The following AFDN variants were observed in gnomAD, a reference collection of about 807,000 sequenced individuals.
AFDN encodes afadin.
Under a neutral mutation model 216.6 loss-of-function variants are expected in AFDN, and 68 were observed. The observed-to-expected ratio is 0.31, with a 90% CI of 0.26 to 0.38. AFDN has a LOEUF of 0.38. AFDN is among the 10% of genes least tolerant of loss of function. AFDN has a pLI of 1.00. For synonymous variants in AFDN, 868 were observed against 853.7 expected (o/e 1.02, Z -0.29); for missense variants, 2,136 against 2,342.0 (o/e 0.91, Z 1.82).
chr6:167,919,529 G>GTGC (rs950346026), intron 21 of AFDN, among the ~76,000 whole-genome samples: 1 of 152,256 alleles, frequency 6.6e-6, no homozygotes, highest in Non-Finnish European at 1.5e-5. Context: ...GTGGGTGTGA[G>GTGC]TGCTGCTGCT....
At chr6:167,931,793 G>A (rs529582810) in intron 23 of AFDN, among the ~76,000 whole-genome samples, 4 of 152,236 alleles carry the variant, frequency 2.6e-5, no homozygotes, top group South Asian at 2.1e-4. Flanking sequence ...GGATTTCACC[G>A]TTAGCCCTGC....
rs974671882 is a variant in AFDN at position 167,951,904 on chromosome 6, G to A, written c.4550G>A (p.Ser1517Asn). 2 of 1,613,980 alleles carry A rather than the reference G, an allele frequency of 1.2e-6. No individual in the cohort carries two copies. Among genetic ancestry groups the A allele is most frequent in the Non-Finnish European group, 1.7e-6 (2 of 1,179,930 alleles). ...VSKEELSSGD[S>N]LSPDPWKRDA... is the part of the protein sequence containing the mutation. ...AAAGAGGAGCTTTCCTCGGGGGACAGTCTGTCCCCCGACCCGTGGAAGCGG... is the reference window on the plus strand; with the variant it reads ...AAAGAGGAGCTTTCCTCGGGGGACAATCTGTCCCCCGACCCGTGGAAGCGG... The change falls in exon 30 of 34, where the codon AGT becomes AAT. Residue 1517 changes from serine to asparagine, a missense_variant. Ser to Asn is a conservative substitution (Grantham distance 46). Transcript: ENST00000683244. This position sits in a 1 kb window ranked among gnomAD's most constrained non-coding sequence, Gnocchi z 7.1.
rs1794944377 is a variant in AFDN, at chr6:167,943,606, GTGACA to G, written c.3239+133_3239+137del. On this transcript the variant is annotated intron_variant, in intron 25 of 33. Transcript: ENST00000683244. ...TTACTCTTTACCTTTTATAGTGTAC[GTGACA>G]TTTCACTTGTTATCAAATTATAAAT... is the stretch of plus-strand genomic sequence containing the variant. 4 of 679,774 alleles carry G rather than the reference GTGACA, an allele frequency of 5.9e-6. No homozygotes were observed. The Admixed American group carries it at 7.9e-5, about 13-fold the overall frequency. 42.1% of individuals were successfully genotyped at this position (679,774 alleles called of 1,614,324 possible). A position where few individuals can be genotyped will look rare whatever the true frequency, so the allele number is the denominator to read the frequency against.
At chr6:167,840,451 T>G (rs1780937759) in intron 1 of AFDN, among the ~76,000 whole-genome samples, 1 of 152,214 alleles carries the variant, frequency 6.6e-6, no homozygotes, top group Non-Finnish European at 1.5e-5. Context: ...CATTTCATGG[T>G]TCTGTCATTG....
chr6:167,885,696 CAA>C (rs1379270445), intron 6 of AFDN, among the ~76,000 whole-genome samples: 1 of 152,198 alleles, frequency 6.6e-6, no homozygotes, highest in East Asian at 1.9e-4. Context: ...CACACAGACA[CAA>C]AGTGAGCAAT....
chr6:167,964,043 A>T (rs777683683), intron 31 of AFDN: 10 of 1,064,306 alleles, frequency 9.4e-6, no homozygotes, highest in Non-Finnish European at 1.0e-5. Flanking sequence ...CACAGTGCAC[A>T]TGCAGAGAGG....
intron 19 of AFDN, 50 bp from the exon 20 acceptor site, chr6:167,917,039 G>A: frequency 6.6e-7 from 1 of 1,515,904 alleles, no homozygotes. Context: ...TAATATTTTT[G>A]AAATAACTTT....
At chr6:167,850,651 C>T (rs1051309939) in intron 1 of AFDN, among the ~76,000 whole-genome samples, 1 of 152,118 alleles carries the variant, frequency 6.6e-6, no homozygotes, top group Non-Finnish European at 1.5e-5. Flanking sequence ...TATTATTTCA[C>T]ATACTTAAAG....
At chr6:167,881,465 G>A (rs1448924401) in intron 6 of AFDN, among the ~76,000 whole-genome samples, 1 of 152,208 alleles carries the variant, frequency 6.6e-6, no homozygotes, top group Non-Finnish European at 1.5e-5. Context: ...TAAATGAGAG[G>A]TCTCTGACTT....
intron 1 of AFDN, among the ~76,000 whole-genome samples, chr6:167,838,283 G>A (rs146870016): frequency 8.6e-5 from 13 of 151,352 alleles, no homozygotes; most frequent in South Asian, 4.2e-4. Context: ...TGGCTGTGAC[G>A]CTGCGCTTGT....
intron 1 of AFDN, among the ~76,000 whole-genome samples, chr6:167,850,420 T>C (rs548234982): frequency 1.7e-4 from 26 of 152,134 alleles, no homozygotes; most frequent in Non-Finnish European, 2.5e-4. Flanking sequence ...TTTTTCTTAA[T>C]TGGAGTAGGT....
chr6:167,938,470 C>T (rs1794287442), intron 23 of AFDN, among the ~76,000 whole-genome samples: 1 of 152,122 alleles, frequency 6.6e-6, no homozygotes. Context: ...GGAGAGCTTC[C>T]TCATTTTGCC....
chr6:167,914,406 T>G, intron 17 of AFDN, 93 bp downstream of exon 17: 1 of 1,469,088 alleles, frequency 6.8e-7, no homozygotes, highest in Non-Finnish European at 9.3e-7. Context: ...AAGATTTATA[T>G]TTACCTTGAT....
upstream of AFDN, chr6:167,826,763 C>G: frequency 5.7e-6 from 2 of 352,530 alleles, no homozygotes; most frequent in South Asian, 4.3e-5. Flanking sequence ...ACACCTCCCT[C>G]CCTGGCGGCC....
At chr6:167,956,851 G>C (rs533488363) in intron 30 of AFDN, among the ~76,000 whole-genome samples, 2 of 152,176 alleles carry the variant, frequency 1.3e-5, no homozygotes, top group Admixed American at 1.3e-4. Flanking sequence ...TTTTCCTGCC[G>C]GGGTCACTGC....
At chr6:167,963,078 AG>A (rs1797200012) in intron 31 of AFDN, 1 of 1,068,826 alleles carries the variant, frequency 9.4e-7, no homozygotes, top group Non-Finnish European at 1.1e-6. Context: ...AGGAAAATTT[AG>A]TATGTAATCC....
intron 12 of AFDN, among the ~76,000 whole-genome samples, chr6:167,903,727 T>TG (rs139944085): frequency 0.031 from 4,641 of 152,110 alleles, 95 homozygotes; most frequent in African/African-American, 0.042. Flanking sequence ...CACAGCTTCT[T>TG]GGGGAAAAAA....
chr6:167,858,047 G>C (rs1783098620), intron 1 of AFDN, among the ~76,000 whole-genome samples: 1 of 152,196 alleles, frequency 6.6e-6, no homozygotes, highest in Admixed American at 6.5e-5. Flanking sequence ...AATTTCCAGT[G>C]TATGTCTGTG....
chr6:167,953,866 G>A (rs1796248877), intron 30 of AFDN, among the ~76,000 whole-genome samples: 1 of 152,160 alleles, frequency 6.6e-6, no homozygotes, highest in Non-Finnish European at 1.5e-5. Context: ...ATGAAAAGAT[G>A]TCTTTTCCTT....
Sources: allele counts gnomAD v4.1 joint callset (sites outside exome capture counted in the v4.1 genomes callset), GRCh38; gene constraint gnomAD v4.1.1; non-coding constraint Gnocchi (gnomAD v3.1); transcripts MANE v1.5; gene names NCBI Gene and HGNC (gene_info 2026-07-23, HGNC 2026-07-21).